Variants in CACNA2D3 observed in about 807,000 individuals in gnomAD.
The protein encoded by CACNA2D3 is calcium voltage-gated channel auxiliary subunit alpha2delta 3.
Under a neutral mutation model 160.6 loss-of-function variants are expected in CACNA2D3, and 60 were observed. That is an observed-to-expected ratio of 0.37 (90% confidence interval 0.30 to 0.46). The LOEUF is 0.46. CACNA2D3 is among the 20% of genes least tolerant of loss of function. The probability of loss-of-function intolerance (pLI) is 1.00; values close to 1 mark genes in which losing one functional copy is unlikely to be tolerated. For synonymous variants in CACNA2D3, 558 were observed against 492.9 expected (o/e 1.13, Z -1.75); for missense variants, 1,205 against 1,365.0 (o/e 0.88, Z 1.85).
At chr3:54,216,651 G>A (rs1179365623) in intron 2 of CACNA2D3, among the ~76,000 whole-genome samples, 1 of 152,206 alleles carries the variant, frequency 6.6e-6, no homozygotes, top group Non-Finnish European at 1.5e-5. Flanking sequence ...GAGCATAATT[G>A]GAGTTAGAAA....
intron 2 of CACNA2D3, among the ~76,000 whole-genome samples, chr3:54,155,977 A>G (rs1005875684): frequency 1.3e-5 from 2 of 152,238 alleles, no homozygotes; most frequent in African/African-American, 4.8e-5. Flanking sequence ...AGGTTTTACC[A>G]AACACGTTAT....
chr3:54,859,430 T>G (rs1171520673), intron 17 of CACNA2D3, among the ~76,000 whole-genome samples: 2 of 152,204 alleles, frequency 1.3e-5, no homozygotes, highest in African/African-American at 2.4e-5. Flanking sequence ...TGGAGGTTGC[T>G]AGGCAAAGGG....
intron 4 of CACNA2D3, among the ~76,000 whole-genome samples, chr3:54,426,649 A>G (rs1699916135): frequency 6.6e-6 from 1 of 152,220 alleles, no homozygotes; most frequent in Non-Finnish European, 1.5e-5. Flanking sequence ...CACAAGTGAA[A>G]TCAGTTGAGC....
chr3:54,914,130 T>A (rs1700612896), intron 27 of CACNA2D3, among the ~76,000 whole-genome samples: 1 of 152,206 alleles, frequency 6.6e-6, no homozygotes, highest in Non-Finnish European at 1.5e-5. Context: ...TGCAGTTAAT[T>A]CTGTGCATGA....
chr3:55,049,017 C>T (rs904301016), intron 35 of CACNA2D3, among the ~76,000 whole-genome samples: 58 of 148,994 alleles, frequency 3.9e-4, no homozygotes, highest in Admixed American at 1.2e-3. Context: ...GTCTTGCTAG[C>T]GGTCTATCAA....
At chr3:54,953,315 G>C (rs1379021649) in intron 27 of CACNA2D3, among the ~76,000 whole-genome samples, 2 of 152,170 alleles carry the variant, frequency 1.3e-5, no homozygotes, top group Non-Finnish European at 2.9e-5. Flanking sequence ...AAGTTTGTCT[G>C]AAATTTTCAA....
Position 54,501,272 on chromosome 3 carries a change from C to T in CACNA2D3, c.382-2220C>T, listed in dbSNP as rs564635115. Among the ~76,000 whole-genome samples, 6 of 152,318 alleles carry T rather than the reference C, an allele frequency of 3.9e-5. No individual in the cohort carries two copies. The South Asian group carries it at 1.0e-3, about 26-fold the overall frequency. On this transcript the variant is annotated intron_variant, in intron 4 of 37. Transcript: ENST00000474759. ...TTCCTCCCTCCGGTTTCTTATAACA[C>T]TGCTATTATTCATTTCACTTATCCA... is the stretch of plus-strand genomic sequence containing the variant.
At chr3:54,668,276 G>A (rs1700103284) in intron 11 of CACNA2D3, among the ~76,000 whole-genome samples, 1 of 152,306 alleles carries the variant, frequency 6.6e-6, no homozygotes, top group East Asian at 1.9e-4. Context: ...TGAGTCATTA[G>A]TGTGTCTGAG....
Position 54,879,053 on chromosome 3 carries a change from G to A in CACNA2D3, c.1746G>A (p.Lys582=), listed in dbSNP as rs778138727. ...RNAMVNRKTG[K]FSMEVKKTVD... ...CTATGGTGAATCGAAAGACGGGGAAGTTTTCCATGGAGGTGAAGAAGACAG... is the reference window on the plus strand; with the variant it reads ...CTATGGTGAATCGAAAGACGGGGAAATTTTCCATGGAGGTGAAGAAGACAG... The change falls in exon 19 of 38, where the codon AAG becomes AAA. Residue 582 remains lysine, a synonymous_variant. Coordinates refer to ENST00000474759, the MANE Select transcript of CACNA2D3 (RefSeq NM_018398.3). 1 of 1,606,282 alleles carries A rather than the reference G, an allele frequency of 6.2e-7. No homozygotes were observed. The highest frequency in any genetic ancestry group is 2.2e-5 in the East Asian group (1 of 44,788).
intron 31 of CACNA2D3, among the ~76,000 whole-genome samples, chr3:54,992,587 C>T (rs1325540762): frequency 6.6e-6 from 1 of 152,052 alleles, no homozygotes; most frequent in East Asian, 1.9e-4. Flanking sequence ...GACTTCTAAG[C>T]AATGTCTGAA....
chr3:54,758,571 G>A (rs1041683395), intron 12 of CACNA2D3, among the ~76,000 whole-genome samples: 1 of 152,114 alleles, frequency 6.6e-6, no homozygotes, highest in African/African-American at 2.4e-5. Context: ...AGAAATAAGT[G>A]TTTTTTTCAG....
At chr3:54,939,708 C>G (rs1180782616) in intron 27 of CACNA2D3, among the ~76,000 whole-genome samples, 1 of 152,200 alleles carries the variant, frequency 6.6e-6, no homozygotes, top group African/African-American at 2.4e-5. Context: ...CAGAAGCCGC[C>G]CCTGCAGGCC....
At chr3:54,652,082 G>A (rs916294614) in intron 11 of CACNA2D3, among the ~76,000 whole-genome samples, 7 of 152,262 alleles carry the variant, frequency 4.6e-5, no homozygotes, top group African/African-American at 1.4e-4. Context: ...TTGGAAAGGC[G>A]TTAAGATCAT....
intron 2 of CACNA2D3, among the ~76,000 whole-genome samples, chr3:54,227,412 G>C (rs955246130): frequency 1.3e-5 from 2 of 151,940 alleles, no homozygotes; most frequent in Non-Finnish European, 2.9e-5. Context: ...TGTTTACTTA[G>C]GGACAGAAAA....
chr3:54,681,175 A>T (rs1700340968), intron 11 of CACNA2D3, among the ~76,000 whole-genome samples: 1 of 151,780 alleles, frequency 6.6e-6, no homozygotes, highest in Admixed American at 6.6e-5. Flanking sequence ...CAAAACTCTG[A>T]CTTGTGACCA....
At chr3:55,044,419 C>T (rs893470958) in intron 35 of CACNA2D3, among the ~76,000 whole-genome samples, 3 of 152,054 alleles carry the variant, frequency 2.0e-5, no homozygotes, top group Non-Finnish European at 4.4e-5. Context: ...GATTTAGAAA[C>T]ATGATTGATT....
intron 4 of CACNA2D3, among the ~76,000 whole-genome samples, chr3:54,483,683 T>C (rs1700969987): frequency 6.6e-6 from 1 of 152,210 alleles, no homozygotes; most frequent in African/African-American, 2.4e-5. Context: ...AATATCACAG[T>C]CTCACCATCT....
chr3:54,649,179 G>T (rs1355357069), intron 11 of CACNA2D3, among the ~76,000 whole-genome samples: 1 of 152,184 alleles, frequency 6.6e-6, no homozygotes, highest in Non-Finnish European at 1.5e-5. Flanking sequence ...TTCTTCATCA[G>T]TGCTACCATC....
intron 13 of CACNA2D3, among the ~76,000 whole-genome samples, chr3:54,765,154 G>A (rs1318206530): frequency 7.9e-5 from 12 of 152,066 alleles, no homozygotes; most frequent in Non-Finnish European, 1.8e-4. Context: ...TGATCTCAAT[G>A]GCTGTCATGG....
Sources: allele counts gnomAD v4.1 joint callset (sites outside exome capture counted in the v4.1 genomes callset), GRCh38; gene constraint gnomAD v4.1.1; transcripts MANE v1.5; gene names NCBI Gene and HGNC (gene_info 2026-07-23, HGNC 2026-07-21).